The following KAT7 variants were observed in gnomAD, a reference collection of about 807,000 sequenced individuals.
KAT7 encodes the protein lysine acetyltransferase 7, also known as histone acetyltransferase KAT7.
Under a neutral mutation model 82.1 loss-of-function variants are expected in KAT7, and 10 were observed. The observed-to-expected ratio is 0.12, with a 90% confidence interval of 0.08 to 0.21. KAT7 has a LOEUF of 0.21. KAT7 is among the 10% of genes least tolerant of loss of function. The pLI is 1.00. For synonymous variants in KAT7, 250 were observed against 262.5 expected (o/e 0.95, Z 0.46); for missense variants, 378 against 760.9 (o/e 0.50, Z 5.92).
chr17:49,820,503 T>A (rs2074289267), intron 9 of KAT7, among the ~76,000 whole-genome samples: 1 of 152,092 alleles, frequency 6.6e-6, no homozygotes, highest in Admixed American at 6.5e-5. Context: ...GCTGTCAAAC[T>A]CCTGACCTCA....
Position 49,829,885 on chromosome 17 carries a change from GT to G in KAT7, c.*2396del, listed in dbSNP as rs61436973. The G allele has an allele frequency of 2.4e-4, 35 of 145,700 alleles. No individual in the cohort carries two copies. The highest frequency in any genetic ancestry group is 3.5e-3 in the Middle Eastern group (1 of 282). The allele number at this position is 145,700 out of a possible 1,614,324, so 9.0% of individuals were successfully genotyped here. On this transcript the variant is annotated 3_prime_UTR_variant, in exon 15 of 15. Coordinates refer to ENST00000259021, the MANE Select transcript of KAT7 (RefSeq NM_007067.5). ...GCATGAGACTATCCCATTTCATTCC[GT>G]TTTTTTTTTTTTGAGTCAGAGTCTG...
In KAT7 at chr17:49,825,905, GCTT is replaced by G. The variant is rs1404308336; in HGVS notation, c.1481-91_1481-89del. The G allele has an allele frequency of 1.0e-5, 13 of 1,293,054 alleles. No homozygotes were observed. In the East Asian group the frequency reaches 1.9e-4, roughly 19 times the overall value. 80.1% of individuals were successfully genotyped at this position (1,293,054 alleles called of 1,614,324 possible). A position where few individuals can be genotyped will look rare whatever the true frequency, so the allele number is the denominator to read the frequency against. ...ACTAAATCCTAATGGAGTGGACTGT[GCTT>G]CTTAAACCTTCTTCCATGTTGGCAC... On this transcript the variant is annotated intron_variant, in intron 12 of 14. Coordinates refer to ENST00000259021, the MANE Select transcript of KAT7 (RefSeq NM_007067.5).
chr17:49,797,359 A>G (rs887500483), intron 3 of KAT7, among the ~76,000 whole-genome samples: 4 of 152,186 alleles, frequency 2.6e-5, no homozygotes, highest in African/African-American at 9.7e-5. Context: ...CACCATGCCC[A>G]GCCTCCTTTC....
Position 49,815,799 on chromosome 17 carries a change from C to G in KAT7, c.853-4C>G. The G allele has an allele frequency of 1.3e-6, 2 of 1,574,722 alleles. No homozygotes were observed. The highest frequency in any genetic ancestry group is 8.7e-7 in the Non-Finnish European group (1 of 1,145,820). On this transcript the variant is annotated splice_region_variant and splice_polypyrimidine_tract_variant and intron_variant, in intron 7 of 14. Transcript: ENST00000259021. The stretch of plus-strand genomic sequence containing the variant: ...AGAGTATCACGCTCTGGTTATTTTC[C>G]TAGGAACACAGACAGACCTATGGGA...
chr17:49,794,325 G>A (rs1013351560), intron 2 of KAT7, among the ~76,000 whole-genome samples: 21 of 152,032 alleles, frequency 1.4e-4, no homozygotes, highest in African/African-American at 4.6e-4. Flanking sequence ...TCGCTCTGTC[G>A]CCCAGGCTGG....
chr17:49,825,186 CAT>C (rs1555606264), intron 12 of KAT7, among the ~76,000 whole-genome samples: 2 of 152,086 alleles, frequency 1.3e-5, no homozygotes, highest in African/African-American at 2.4e-5. Flanking sequence ...ACTGCATCTC[CAT>C]AGTGTTGTTT....
chr17:49,816,260 T>A (rs926091392), intron 8 of KAT7, among the ~76,000 whole-genome samples: 2 of 152,234 alleles, frequency 1.3e-5, no homozygotes, highest in Non-Finnish European at 2.9e-5. Flanking sequence ...TCATCTCTGT[T>A]GTTTTCTTAA....
chr17:49,792,136 T>TGTCATCTACACCA, intron 2 of KAT7, 103 bp downstream of exon 2: 2 of 1,079,194 alleles, frequency 1.9e-6, no homozygotes, highest in Non-Finnish European at 2.7e-6. Context: ...TGGCTTGGTG[T>TGTCATCTACACCA]AGATGACAGT....
At chr17:49,798,664 C>A in intron 4 of KAT7, 106 bp downstream of exon 4, 1 of 1,202,836 alleles carries the variant, frequency 8.3e-7, no homozygotes, top group Non-Finnish European at 1.2e-6. Flanking sequence ...TTAGGCTCTT[C>A]AGTGGTCATG....
chr17:49,829,797 TTTA>T lies in KAT7; in HGVS notation c.*2300_*2302del, dbSNP rs1331998797. ...ACTTTACTCCCTAAAAATAAAAGGA[TTTA>T]TTATCTCATTTAAACCCCCACAGGT... On this transcript the variant is annotated 3_prime_UTR_variant, in exon 15 of 15. Transcript: ENST00000259021. The T allele has an allele frequency of 6.6e-6, 1 of 152,180 alleles. No individual in the cohort carries two copies. Among genetic ancestry groups the T allele is most frequent in the Admixed American group, 6.5e-5 (1 of 15,278 alleles). 9.4% of individuals were successfully genotyped at this position (152,180 alleles called of 1,614,324 possible). A position where few individuals can be genotyped will look rare whatever the true frequency, so the allele number is the denominator to read the frequency against.
At position 49,827,386 on chromosome 17, in the gene KAT7, A is replaced by ATTG; in HGVS notation, c.1735-12_1735-10dup. ...TTGAAAGTATGTAATCCTTTTTCCCATTGTTCTCCCTCAGGACCTGATTGA... is the reference window on the plus strand; with the variant it reads ...TTGAAAGTATGTAATCCTTTTTCCCATTGTTGTTCTCCCTCAGGACCTGATTGA... On this transcript the variant is annotated splice_polypyrimidine_tract_variant and intron_variant, in intron 14 of 14. Coordinates refer to ENST00000259021, the MANE Select transcript of KAT7 (RefSeq NM_007067.5). 6.6e-7 allele frequency: 1 copy of ATTG among 1,519,138 alleles called. No individual in the cohort carries two copies. The highest frequency in any genetic ancestry group is 9.1e-7 in the Non-Finnish European group (1 of 1,094,424). The allele number at this position is 1,519,138 out of a possible 1,614,324, so 94.1% of individuals were successfully genotyped here. A position where few individuals can be genotyped will look rare whatever the true frequency, so the allele number is the denominator to read the frequency against.
chr17:49,826,701 C>A lies in KAT7; in HGVS notation c.1636C>A (p.Gln546Lys). The A allele has an allele frequency of 6.2e-7, 1 of 1,610,046 alleles. No individual in the cohort carries two copies. The highest frequency in any genetic ancestry group is 1.1e-5 in the South Asian group (1 of 90,904). ...GKEISIKEISQETAVNPVDIV... is the reference protein window; with the variant it reads ...GKEISIKEISKETAVNPVDIV... Reference sequence around the variant, plus strand: ...TACTTCTTCTGTTTCAGAAATCAGTCAGGAGACGGCTGTGAATCCTGTGGA... The same window carrying A: ...TACTTCTTCTGTTTCAGAAATCAGTAAGGAGACGGCTGTGAATCCTGTGGA... The change falls in exon 14 of 15, where the codon CAG becomes AAG. Residue 546 changes from glutamine (Q) to lysine (K), a missense_variant. By Grantham distance (53) the Gln-to-Lys change is moderately conservative. Coordinates refer to ENST00000259021, the MANE Select transcript of KAT7 (RefSeq NM_007067.5).
Position 49,829,177 on chromosome 17 carries a change from T to C in KAT7, c.*1675T>C, listed in dbSNP as rs1340433560. ...TACTAATAGTAAATGCACTTGGGAT[T>C]TGCTTTCCCTAGCAGTAAACTGTTG... On this transcript the variant is annotated 3_prime_UTR_variant, in exon 15 of 15. Transcript: ENST00000259021. 1 of 152,314 alleles carries C rather than the reference T, an allele frequency of 6.6e-6. No homozygotes were observed. The highest frequency in any genetic ancestry group is 1.5e-5 in the Non-Finnish European group (1 of 68,044). 9.4% of individuals were successfully genotyped at this position (152,314 alleles called of 1,614,324 possible). A position where few individuals can be genotyped will look rare whatever the true frequency, so the allele number is the denominator to read the frequency against.
At chr17:49,798,936 C>T (rs375651735) in intron 4 of KAT7, among the ~76,000 whole-genome samples, 7 of 152,150 alleles carry the variant, frequency 4.6e-5, no homozygotes, top group African/African-American at 1.7e-4. Context: ...GGTTGCACGG[C>T]CATAGCTGTT....
chr17:49,826,206 A>G (rs1019774861), intron 13 of KAT7, 60 bp downstream of exon 13: 1 of 1,521,936 alleles, frequency 6.6e-7, no homozygotes, highest in African/African-American at 1.4e-5. Context: ...TCTACTGGGT[A>G]TTGTGTTTCC....
rs751920262 is a variant in KAT7 at position 49,808,152 on chromosome 17, C to T, written c.664-967C>T. Among the ~76,000 whole-genome samples the T allele has an allele frequency of 8.8e-5, 12 of 135,752 alleles. No homozygotes were observed. In the South Asian group the frequency reaches 9.4e-4, roughly 11 times the overall value. 89.1% of individuals were successfully genotyped at this position (135,752 alleles called of 152,430 possible). On this transcript the variant is annotated intron_variant, in intron 5 of 14. Transcript: ENST00000259021. ...TTTTTTTTTTTTTTTGAGACAGTCT[C>T]GCTCTGTCACCCAGGCTGGAGTGCA...
chr17:49,822,445 G>A (rs2143976181), intron 11 of KAT7, among the ~76,000 whole-genome samples: 1 of 152,216 alleles, frequency 6.6e-6, no homozygotes, highest in South Asian at 2.1e-4. Flanking sequence ...TGGCCAGGCT[G>A]GTCTCGAACT....
chr17:49,799,469 C>T (rs974019517), intron 4 of KAT7, among the ~76,000 whole-genome samples: 1 of 151,492 alleles, frequency 6.6e-6, no homozygotes, highest in African/African-American at 2.4e-5. Flanking sequence ...CAACCTCCGC[C>T]TCCCAGGTTC....
chr17:49,796,858 A>G lies in KAT7; in HGVS notation c.272A>G (p.Lys91Arg). ...CAGCCTACCCCAGTGACACCGAAAA[A>G]ATACCCTCTTCGGCAGACTCGTTCA... Reference protein sequence around the residue: ...QQQPTPVTPKKYPLRQTRSSG... With the variant: ...QQQPTPVTPKRYPLRQTRSSG... The change falls in exon 3 of 15, where the codon AAA becomes AGA. Residue 91 changes from lysine to arginine, a missense_variant. Around this residue, in one of 6 missense-constraint regions of KAT7, gnomAD observed 161 missense variants for 229.6 expected, o/e 0.70. Coordinates refer to ENST00000259021, the MANE Select transcript of KAT7 (RefSeq NM_007067.5). 6.2e-7 allele frequency: 1 copy of G among 1,614,200 alleles called. No homozygotes were observed.
Sources: allele counts gnomAD v4.1 joint callset (sites outside exome capture counted in the v4.1 genomes callset), GRCh38; gene constraint gnomAD v4.1.1; regional missense constraint gnomAD v4.1.1; transcripts MANE v1.5; gene names NCBI Gene and HGNC (gene_info 2026-07-23, HGNC 2026-07-21).